The following LRBA variants were observed in gnomAD, a reference collection of about 807,000 sequenced individuals.
LRBA encodes the protein lipopolysaccharide-responsive and beige-like anchor protein.
LRBA carries 176 observed loss-of-function variants against 330.0 expected under a neutral mutation model. The observed-to-expected ratio is 0.53, with a 90% CI of 0.47 to 0.60. The LOEUF (loss-of-function observed/expected upper bound fraction) is 0.60. Ranked by LOEUF, LRBA falls within the 20% of genes least tolerant of loss-of-function variation. The pLI, the probability that LRBA is intolerant of heterozygous loss-of-function variation, is 0.00. For synonymous variants in LRBA, 1,230 were observed against 1,193.0 expected, an observed-to-expected ratio of 1.03 and a Z score of -0.64; for missense variants, 3,259 against 3,444.8, an observed-to-expected ratio of 0.95 and a Z score of 1.35.
At chr4:150,896,176 T>G (rs568099530) in intron 16 of LRBA, among the ~76,000 whole-genome samples, 4 of 152,296 alleles carry the variant, frequency 2.6e-5, no homozygotes, top group Admixed American at 1.3e-4. Flanking sequence ...AATCTAATGT[T>G]AGTACTTTTT....
intron 33 of LRBA, among the ~76,000 whole-genome samples, chr4:150,804,114 A>T (rs1742189144): frequency 6.6e-6 from 1 of 152,172 alleles, no homozygotes; most frequent in Non-Finnish European, 1.5e-5. Flanking sequence ...CCTGAAATAT[A>T]GACTCTTCAA....
intron 53 of LRBA, among the ~76,000 whole-genome samples, chr4:150,292,915 C>T (rs1728500337): frequency 1.3e-5 from 2 of 151,906 alleles, no homozygotes; most frequent in Admixed American, 1.3e-4. Context: ...TTAAAGACCA[C>T]CAATATAATT....
intron 44 of LRBA, among the ~76,000 whole-genome samples, chr4:150,458,565 A>G (rs1754369720): frequency 6.6e-6 from 1 of 151,906 alleles, no homozygotes. Context: ...ATACAACTCT[A>G]TCTAAATCCA....
At chr4:150,391,534 G>A (rs989986725) in intron 47 of LRBA, among the ~76,000 whole-genome samples, 5 of 152,156 alleles carry the variant, frequency 3.3e-5, no homozygotes, top group African/African-American at 9.7e-5. Context: ...ACAGAAAGAT[G>A]ACTGGAGAAC....
intron 2 of LRBA, among the ~76,000 whole-genome samples, chr4:150,995,544 G>A (rs1360409684): frequency 6.6e-6 from 1 of 151,956 alleles, no homozygotes; most frequent in Non-Finnish European, 1.5e-5. Context: ...CAATTGTAAT[G>A]TTTCTGGATA....
At chr4:151,009,030 A>G (rs1198311550) in intron 2 of LRBA, among the ~76,000 whole-genome samples, 2 of 53,958 alleles carry the variant, frequency 3.7e-5, no homozygotes, top group African/African-American at 1.6e-4. Flanking sequence ...TATATATAAA[A>G]TGGTATTTTT....
chr4:150,713,182 T>TG (rs1167127842), intron 36 of LRBA, among the ~76,000 whole-genome samples: 2 of 152,140 alleles, frequency 1.3e-5, no homozygotes, highest in Non-Finnish European at 2.9e-5. Context: ...GCAATCCTCC[T>TG]GCTTTGACCT....
chr4:150,895,854 G>A (rs532326246), intron 16 of LRBA, among the ~76,000 whole-genome samples: 255 of 152,214 alleles, frequency 1.7e-3, no homozygotes, highest in African/African-American at 5.7e-3. Context: ...CTGAGGAATC[G>A]CCACACCGAC....
chr4:150,729,850 G>A (rs1730201567), intron 36 of LRBA, among the ~76,000 whole-genome samples: 2 of 152,048 alleles, frequency 1.3e-5, no homozygotes, highest in Non-Finnish European at 2.9e-5. Flanking sequence ...CACAGCTACA[G>A]GAAATGAATT....
At chr4:150,472,645 T>C (rs936014208) in intron 42 of LRBA, among the ~76,000 whole-genome samples, 1 of 152,142 alleles carries the variant, frequency 6.6e-6, no homozygotes, top group African/African-American at 2.4e-5. Flanking sequence ...CAGATAATCT[T>C]CATTCCTATC....
At chr4:150,803,065 AC>A (rs1408848766) in intron 33 of LRBA, among the ~76,000 whole-genome samples, 6 of 73,020 alleles carry the variant, frequency 8.2e-5, no homozygotes, top group East Asian at 6.0e-4. Flanking sequence ...ACAAAAACAA[AC>A]AAAAAAAAAA....
intron 37 of LRBA, among the ~76,000 whole-genome samples, chr4:150,619,695 C>A (rs1226692296): frequency 2.0e-5 from 3 of 152,142 alleles, no homozygotes; most frequent in Non-Finnish European, 4.4e-5. Flanking sequence ...TTAGGCTCCA[C>A]AACTGAGGGC....
chr4:150,800,578 C>CT (rs1741465246), intron 33 of LRBA, among the ~76,000 whole-genome samples: 1 of 152,174 alleles, frequency 6.6e-6, no homozygotes, highest in Non-Finnish European at 1.5e-5. Context: ...TAGTCATACT[C>CT]TAAGAACATC....
chr4:150,908,195 TG>T, intron 11 of LRBA, 138 bp downstream of exon 11: 1 of 729,738 alleles, frequency 1.4e-6, no homozygotes, highest in Non-Finnish European at 2.2e-6. Flanking sequence ...ATAATTAATA[TG>T]GACTTGTAAT....
intron 2 of LRBA, chr4:151,014,017 A>G (rs1214686588): frequency 6.4e-6 from 1 of 156,190 alleles, no homozygotes; most frequent in Non-Finnish European, 1.4e-5. Flanking sequence ...GTAGCAAAAC[A>G]TAACTTCGAC....
intron 40 of LRBA, among the ~76,000 whole-genome samples, chr4:150,575,059 T>A (rs1240117819): frequency 6.6e-6 from 1 of 151,982 alleles, no homozygotes; most frequent in Non-Finnish European, 1.5e-5. Flanking sequence ...GAATGACTCT[T>A]TATGATCCAA....
chr4:150,558,411 A>AAC (rs1767610282), intron 40 of LRBA, among the ~76,000 whole-genome samples: 1 of 152,214 alleles, frequency 6.6e-6, no homozygotes, highest in Non-Finnish European at 1.5e-5. Context: ...TATAAACCAA[A>AAC]ACTAAGTTAT....
chr4:150,315,531 G>GAATC lies in LRBA; in HGVS notation c.7693+26_7693+29dup, dbSNP rs770724577. ...TCAGGGCCACCATACAGAGCTTAAT[G>GAATC]AATCGCAAAGAGAGAAGGAAGTGAC... On this transcript the variant is annotated intron_variant, in intron 51 of 56. Transcript: ENST00000651943. The GAATC allele has an allele frequency of 6.3e-6, 10 of 1,584,770 alleles. No homozygotes were observed. The East Asian group carries it at 2.2e-4, about 35-fold the overall frequency.
At chr4:150,773,062 C>T (rs1319347153) in intron 34 of LRBA, among the ~76,000 whole-genome samples, 1 of 152,166 alleles carries the variant, frequency 6.6e-6, no homozygotes, top group Non-Finnish European at 1.5e-5. Flanking sequence ...ACATGTCCCA[C>T]AACACTGGAG....
Sources: gnomAD v4.1 joint callset for allele counts (sites outside exome capture counted in the v4.1 genomes callset) on GRCh38, gnomAD v4.1.1 for gene constraint, MANE v1.5 for transcripts, NCBI Gene and HGNC (gene_info 2026-07-23, HGNC 2026-07-21) for gene names.